FRMPD4: variants seen among roughly 807,000 people sequenced by gnomAD.
The protein encoded by FRMPD4 is FERM and PDZ domain containing 4.
Under a neutral mutation model 94.1 loss-of-function variants are expected in FRMPD4, and 22 were observed. That is an observed-to-expected ratio of 0.23 (90% CI 0.17 to 0.33). The LOEUF is 0.33. FRMPD4 is among the 10% of genes least tolerant of loss of function. The probability of loss-of-function intolerance (pLI) is 1.00; values close to 1 mark genes in which losing one functional copy is unlikely to be tolerated. For missense variants in FRMPD4, 1,111 were observed against 1,339.9 expected (o/e 0.83, Z 2.67); for synonymous variants, 631 against 548.6 (o/e 1.15, Z -2.10).
intron 1 of FRMPD4, among the ~76,000 whole-genome samples, chrX:12,159,428 T>C (rs1239866648): frequency 9.0e-6 from 1 of 111,569 alleles, no homozygotes; most frequent in East Asian, 2.8e-4. Flanking sequence ...CTCCTTGGAG[T>C]TCCAAGAGCT....
intron 1 of FRMPD4, among the ~76,000 whole-genome samples, chrX:12,446,563 A>C (rs111373450): frequency 9.0e-6 from 1 of 111,317 alleles, no homozygotes; most frequent in Non-Finnish European, 1.9e-5. Flanking sequence ...TAATGGAATC[A>C]TGGGGGTGGT....
chrX:12,126,712 T>C (rs1013949650), intron 3 of FRMPD4, among the ~76,000 whole-genome samples: 1 of 111,927 alleles, frequency 8.9e-6, no homozygotes, highest in African/African-American at 3.2e-5. Context: ...TGAAGTCTAA[T>C]TCGGTTTCTC....
Position 12,176,731 on chromosome X carries a change from G to A in FRMPD4, c.41+37719G>A, listed in dbSNP as rs1036045285. ...ACAGTGTTTTGTATTCTGAACATGA[G>A]AACAAACTACATTTGGGATGTATAG... On this transcript the variant is annotated intron_variant, in intron 1 of 16. Coordinates refer to ENST00000675598, the MANE Select transcript of FRMPD4 (RefSeq NM_001368397.1). Among the ~76,000 whole-genome samples the A allele has an allele frequency of 3.6e-5, 4 of 112,099 alleles. No homozygotes were observed. In the East Asian group the frequency reaches 8.4e-4, roughly 24 times the overall value.
intron 1 of FRMPD4, among the ~76,000 whole-genome samples, chrX:12,390,982 G>A (rs1279013799): frequency 8.9e-6 from 1 of 111,876 alleles, no homozygotes; most frequent in Non-Finnish European, 1.9e-5. Flanking sequence ...AACATGGCAG[G>A]TACTTCATAG....
chrX:12,535,147 TC>T (rs2058325245), intron 2 of FRMPD4, among the ~76,000 whole-genome samples: 1 of 111,624 alleles, frequency 9.0e-6, no homozygotes, highest in Non-Finnish European at 1.9e-5. Context: ...AAGGGGAGTT[TC>T]CCAGCAAGTT....
intron 2 of FRMPD4, among the ~76,000 whole-genome samples, chrX:12,559,339 T>G (rs764040808): frequency 8.9e-6 from 1 of 112,050 alleles, no homozygotes; most frequent in South Asian, 3.7e-4. Context: ...TCATACACTA[T>G]GTAGAAGTCT....
chrX:12,676,154 G>A (rs1053150080), intron 5 of FRMPD4, among the ~76,000 whole-genome samples: 1 of 112,175 alleles, frequency 8.9e-6, no homozygotes, highest in Non-Finnish European at 1.9e-5. Context: ...AGAGAACCAC[G>A]ACTTGAGATC....
At chrX:12,348,827 T>C (rs2055755702) in intron 1 of FRMPD4, among the ~76,000 whole-genome samples, 1 of 111,405 alleles carries the variant, frequency 9.0e-6, no homozygotes, top group Non-Finnish European at 1.9e-5. Flanking sequence ...GTTCCCCTCA[T>C]AAAGTAATGG....
intron 1 of FRMPD4, among the ~76,000 whole-genome samples, chrX:12,394,488 C>T (rs771333095): frequency 5.4e-5 from 6 of 110,965 alleles, no homozygotes; most frequent in Non-Finnish European, 1.1e-4. Flanking sequence ...GTTCCTAATA[C>T]ATTTTTTAAA....
chrX:12,300,086 C>T (rs1307469292), intron 1 of FRMPD4, among the ~76,000 whole-genome samples: 3 of 111,702 alleles, frequency 2.7e-5, no homozygotes, highest in African/African-American at 9.8e-5. Context: ...TAGAGTGGCT[C>T]AGAGGAGGGT....
Position 11,839,518 on chromosome X carries a change from G to A in FRMPD4, c.-161+16803G>A, listed in dbSNP as rs186783534. Among the ~76,000 whole-genome samples the A allele has an allele frequency of 3.6e-5, 4 of 111,249 alleles. No individual in the cohort carries two copies. In the East Asian group the frequency reaches 8.4e-4, roughly 23 times the overall value. On this transcript the variant is annotated intron_variant, in intron 1 of 18. Transcript: ENST00000640291. ...AAGCCCTTTATTAGATATATGATTT[G>A]TAATATTTTATTCTTTTCTGTGGTT...
chrX:12,177,301 A>G (rs1338041827), intron 1 of FRMPD4, among the ~76,000 whole-genome samples: 1 of 112,427 alleles, frequency 8.9e-6, no homozygotes, highest in Middle Eastern at 4.2e-3. Flanking sequence ...ATTTTTATGT[A>G]TGTTTGAAAA....
intron 2 of FRMPD4, among the ~76,000 whole-genome samples, chrX:12,520,902 T>G (rs2058155253): frequency 9.0e-6 from 1 of 111,292 alleles, no homozygotes; most frequent in Non-Finnish European, 1.9e-5. Flanking sequence ...GAAGAGATGG[T>G]TTTCTAATGG....
intron 3 of FRMPD4, among the ~76,000 whole-genome samples, chrX:11,963,919 T>A (rs1381999459): frequency 9.0e-6 from 1 of 111,481 alleles, no homozygotes; most frequent in African/African-American, 3.3e-5. Context: ...TCCCTAGGGA[T>A]AATGTAGTCC....
intron 3 of FRMPD4, among the ~76,000 whole-genome samples, chrX:12,106,178 A>C (rs188882777): frequency 8.9e-6 from 1 of 112,352 alleles, no homozygotes; most frequent in Non-Finnish European, 1.9e-5. Context: ...TACCAATATC[A>C]GCTCTTTGGA....
At chrX:12,085,242 A>G (rs1025249519) in intron 3 of FRMPD4, among the ~76,000 whole-genome samples, 3 of 112,494 alleles carry the variant, frequency 2.7e-5, no homozygotes, top group Admixed American at 1.9e-4. Flanking sequence ...GTGTATTTCT[A>G]TTTTGTAAAA....
intron 1 of FRMPD4, among the ~76,000 whole-genome samples, chrX:12,169,327 G>A (rs765252071): frequency 1.8e-5 from 2 of 112,019 alleles, no homozygotes; most frequent in South Asian, 7.5e-4. Flanking sequence ...TAGTTTTCTG[G>A]ACTGGCCAAT....
intron 2 of FRMPD4, among the ~76,000 whole-genome samples, chrX:12,508,765 G>A (rs139125668): frequency 0.018 from 1,942 of 110,275 alleles, 51 homozygotes; most frequent in African/African-American, 0.059. Context: ...AGGCCAAGGC[G>A]GGCAGATCAT....
intron 2 of FRMPD4, among the ~76,000 whole-genome samples, chrX:11,868,745 A>G (rs998835992): frequency 3.6e-5 from 4 of 112,461 alleles, no homozygotes; most frequent in Admixed American, 9.4e-5. Context: ...GACATTATTC[A>G]TCTATGCAGT....
Sources: gnomAD v4.1 joint callset for allele counts (sites outside exome capture counted in the v4.1 genomes callset) on GRCh38, gnomAD v4.1.1 for gene constraint, MANE v1.5 for transcripts, NCBI Gene and HGNC (gene_info 2026-07-23, HGNC 2026-07-21) for gene names.